AIDA: variants seen among roughly 807,000 people sequenced by gnomAD.
The protein encoded by AIDA is axin interactor, dorsalization associated, also known as axin interactor, dorsalization-associated protein.
In AIDA, 18 loss-of-function variants were observed where a neutral mutation model predicts 42.7. That is an observed-to-expected ratio of 0.42 (90% CI 0.29 to 0.63). The LOEUF (loss-of-function observed/expected upper bound fraction) is 0.63, where lower values mean the gene tolerates loss of function less well. Ranked by LOEUF, AIDA falls within the 20% of genes least tolerant of loss-of-function variation. The probability of loss-of-function intolerance (pLI) is 0.19; values close to 1 mark genes in which losing one functional copy is unlikely to be tolerated. For synonymous variants in AIDA, 104 were observed against 122.9 expected (o/e 0.85, Z 1.02); for missense variants, 250 against 354.1 (o/e 0.71, Z 2.36).
intron 2 of AIDA, among the ~76,000 whole-genome samples, chr1:222,697,232 T>C (rs1482644498): frequency 6.6e-6 from 1 of 151,786 alleles, no homozygotes. Context: ...CATGAGCCAC[T>C]GTGCCTGGCT....
intron 2 of AIDA, among the ~76,000 whole-genome samples, chr1:222,700,973 G>GTTT (rs1007870307): frequency 1.3e-4 from 16 of 127,356 alleles, no homozygotes; most frequent in Admixed American, 9.6e-4. Flanking sequence ...ATTTTTTTTG[G>GTTT]GGGGGGGGGG....
At position 222,686,984 on chromosome 1, in the gene AIDA, C is replaced by T. The variant is rs2124956622; in HGVS notation, c.406G>A (p.Glu136Lys). 6.2e-7 allele frequency: 1 copy of T among 1,613,198 alleles called. No individual in the cohort carries two copies. The highest frequency in any genetic ancestry group is 1.7e-4 in the Middle Eastern group (1 of 6,060). The change falls in exon 6 of 10, where the codon GAA (glutamate) becomes AAA (lysine). Residue 136 changes from glutamate (E) to lysine (K), a missense_variant. Around this residue, in one of 4 missense-constraint regions of AIDA, gnomAD observed 199 missense variants for 232.6 expected, o/e 0.86. Coordinates refer to ENST00000340020, the MANE Select transcript of AIDA (RefSeq NM_022831.4). ...GACCCTGCTCCAGCACCACCCTCTT[C>T]TTCATCTTCTTCAAATTCCAAATTC... Reference protein sequence around the residue: ...EENLEFEEDEEEGGAGAGSPD... With the variant: ...EENLEFEEDEKEGGAGAGSPD...
At chr1:222,700,042 G>A (rs890625152) in intron 2 of AIDA, among the ~76,000 whole-genome samples, 1 of 152,156 alleles carries the variant, frequency 6.6e-6, no homozygotes, top group East Asian at 1.9e-4. Flanking sequence ...ACAGGCGTGA[G>A]CCACCGCGTC....
chr1:222,712,171 G>T, intron 1 of AIDA, 37 bp downstream of exon 1: 2 of 1,562,960 alleles, frequency 1.3e-6, no homozygotes, highest in Non-Finnish European at 8.7e-7. Flanking sequence ...CGCACGACTG[G>T]AGCCGGTCTG....
intron 6 of AIDA, among the ~76,000 whole-genome samples, chr1:222,677,603 G>C (rs1292610660): frequency 2.0e-5 from 3 of 152,124 alleles, no homozygotes; most frequent in Middle Eastern, 3.2e-3. Context: ...GGTCTGCTAA[G>C]AAAGTTTTAA....
intron 4 of AIDA, among the ~76,000 whole-genome samples, chr1:222,688,980 G>C (rs1353110975): frequency 1.3e-5 from 2 of 152,060 alleles, no homozygotes; most frequent in African/African-American, 4.8e-5. Flanking sequence ...ACCTTCCAGT[G>C]GGACAAGATG....
chr1:222,699,529 A>G (rs1655622842), intron 2 of AIDA, among the ~76,000 whole-genome samples: 1 of 152,224 alleles, frequency 6.6e-6, no homozygotes, highest in Admixed American at 6.5e-5. Context: ...AAAATATTAA[A>G]CGTACACATG....
chr1:222,699,090 G>T lies in AIDA; in HGVS notation c.180+4058C>A, dbSNP rs190856869. ...TCTGCCTCACTCGGCCTCCCAAAGT[G>T]CTGCGATTACAGGTGTGAGACACCC... On this transcript the variant is annotated intron_variant, in intron 2 of 9. Transcript: ENST00000340020. Among the ~76,000 whole-genome samples, 126 of 152,306 alleles carry T rather than the reference G, an allele frequency of 8.3e-4. 1 individual carries two copies. Among genetic ancestry groups the T allele is most frequent in the African/African-American group, 2.6e-3 (107 of 41,564 alleles).
At chr1:222,709,681 A>AG (rs1655941701) in intron 1 of AIDA, among the ~76,000 whole-genome samples, 1 of 152,178 alleles carries the variant, frequency 6.6e-6, no homozygotes. Context: ...AAAGTGCCCC[A>AG]GAAAAAAAAT....
chr1:222,703,298 CAT>C, intron 1 of AIDA, 81 bp from the exon 2 acceptor site: 1 of 1,018,724 alleles, frequency 9.8e-7, no homozygotes, highest in Non-Finnish European at 1.4e-6. Flanking sequence ...AGCTTTTTAA[CAT>C]GTGAAGTACA....
chr1:222,690,579 G>A (rs1466402336), intron 4 of AIDA, among the ~76,000 whole-genome samples: 1 of 152,082 alleles, frequency 6.6e-6, no homozygotes, highest in African/African-American at 2.4e-5. Context: ...TGGCATATTG[G>A]CATCCCAAAG....
chr1:222,695,891 C>T (rs1655505954), intron 2 of AIDA, among the ~76,000 whole-genome samples: 1 of 151,858 alleles, frequency 6.6e-6, no homozygotes. Flanking sequence ...TCTCTTTTAT[C>T]AATTTTCTTT....
At chr1:222,697,740 G>T (rs535803551) in intron 2 of AIDA, among the ~76,000 whole-genome samples, 14 of 152,028 alleles carry the variant, frequency 9.2e-5, no homozygotes, top group African/African-American at 1.4e-4. Context: ...GAAAAAATAG[G>T]TTTAAAAAAT....
intron 2 of AIDA, among the ~76,000 whole-genome samples, chr1:222,699,130 A>ATGTTT (rs1553295296): frequency 6.6e-6 from 1 of 152,142 alleles, no homozygotes; most frequent in Non-Finnish European, 1.5e-5. Flanking sequence ...TGGCCAAAGT[A>ATGTTT]TGTTTTGTTT....
At chr1:222,698,020 G>T (rs1031370647) in intron 2 of AIDA, among the ~76,000 whole-genome samples, 1 of 152,158 alleles carries the variant, frequency 6.6e-6, no homozygotes, top group Middle Eastern at 3.2e-3. Context: ...AAACTTACTT[G>T]AGAAAATCTA....
At chr1:222,693,747 T>C (rs768686919) in intron 4 of AIDA, 42 bp downstream of exon 4, 3 of 1,476,478 alleles carry the variant, frequency 2.0e-6, no homozygotes, top group East Asian at 4.5e-5. Context: ...ATAGATTATT[T>C]TTCCAAAGGA....
intron 6 of AIDA, among the ~76,000 whole-genome samples, chr1:222,677,999 A>G (rs1254822782): frequency 1.3e-5 from 2 of 152,102 alleles, no homozygotes; most frequent in African/African-American, 4.8e-5. Context: ...GAAAAATTGT[A>G]TATTTTTGTT....
intron 2 of AIDA, among the ~76,000 whole-genome samples, chr1:222,698,756 A>G (rs537365342): frequency 1.6e-4 from 24 of 151,532 alleles, no homozygotes; most frequent in Admixed American, 1.2e-3. Flanking sequence ...TGGCCCATCA[A>G]ATATTTTTAA....
At chr1:222,689,798 T>A (rs1263617258) in intron 4 of AIDA, among the ~76,000 whole-genome samples, 1 of 151,926 alleles carries the variant, frequency 6.6e-6, no homozygotes, top group Non-Finnish European at 1.5e-5. Flanking sequence ...TTGTACAGTG[T>A]TTATAAAGTC....
Sources: allele counts gnomAD v4.1 joint callset (sites outside exome capture counted in the v4.1 genomes callset), GRCh38; gene constraint gnomAD v4.1.1; regional missense constraint gnomAD v4.1.1; transcripts MANE v1.5; gene names NCBI Gene and HGNC (gene_info 2026-07-23, HGNC 2026-07-21).